Variants in AGBL4 observed in about 807,000 individuals in gnomAD.
The protein encoded by AGBL4 is cytosolic carboxypeptidase 6.
In AGBL4, 58 loss-of-function variants were observed where a neutral mutation model predicts 66.4. The ratio of observed to expected loss-of-function variants is 0.87; its 90% CI spans 0.71 to 1.09. AGBL4 has a LOEUF of 1.09. Among genes scored for constraint, AGBL4 ranks in the 50% least tolerant of loss-of-function variants. AGBL4 has a pLI of 0.00. For missense variants in AGBL4, 579 were observed against 631.0 expected (o/e 0.92, Z 0.88); for synonymous variants, 234 against 222.9 (o/e 1.05, Z -0.44).
At chr1:48,591,200 T>C (rs1644914885) in intron 9 of AGBL4, among the ~76,000 whole-genome samples, 1 of 150,078 alleles carries the variant, frequency 6.7e-6, no homozygotes, top group Admixed American at 6.7e-5. Flanking sequence ...CAATTCCTCC[T>C]CACTTTTAAC....
At chr1:48,914,047 T>G (rs879751345) in intron 5 of AGBL4, among the ~76,000 whole-genome samples, 1 of 152,098 alleles carries the variant, frequency 6.6e-6, no homozygotes, top group Non-Finnish European at 1.5e-5. Context: ...AAAAACAAAG[T>G]AGCAAAGCAC....
At chr1:49,457,800 C>T (rs771535515) in intron 3 of AGBL4, among the ~76,000 whole-genome samples, 1 of 151,734 alleles carries the variant, frequency 6.6e-6, no homozygotes, top group Admixed American at 6.6e-5. Flanking sequence ...ATCCCAGCAC[C>T]GTTTGTTGAA....
At chr1:49,971,783 G>C (rs1279119864) in intron 1 of AGBL4, among the ~76,000 whole-genome samples, 1 of 151,364 alleles carries the variant, frequency 6.6e-6, no homozygotes, top group African/African-American at 2.4e-5. Context: ...CCTATATGAA[G>C]ACTTCACTAA....
At chr1:48,940,647 C>T in intron 5 of AGBL4, among the ~76,000 whole-genome samples, 1 of 152,154 alleles carries the variant, frequency 6.6e-6, no homozygotes, top group Middle Eastern at 3.2e-3. Flanking sequence ...GGTTTGGTGG[C>T]ACCAGACCTG....
chr1:49,720,376 C>T lies in AGBL4; in HGVS notation c.158-22939G>A, dbSNP rs182080434. Among the ~76,000 whole-genome samples the T allele has an allele frequency of 5.3e-3, 804 of 152,190 alleles. 8 individuals carry two copies. Among genetic ancestry groups the T allele is most frequent in the Non-Finnish European group, 6.6e-3 (450 of 67,990 alleles). ...AATCTGAAACACTTCAGGTCTCAAA[C>T]ATTTGAGATAAAATATATTCAATCT... On this transcript the variant is annotated intron_variant, in intron 2 of 13. Coordinates refer to ENST00000371839, the MANE Select transcript of AGBL4 (RefSeq NM_032785.4).
At chr1:49,182,078 A>C (rs767647780) in intron 4 of AGBL4, among the ~76,000 whole-genome samples, 86 of 152,180 alleles carry the variant, frequency 5.7e-4, no homozygotes, top group Non-Finnish European at 1.1e-3. Flanking sequence ...GAATAGAAGA[A>C]TTGGACAAAA....
chr1:49,925,432 C>T (rs893754139), intron 1 of AGBL4, among the ~76,000 whole-genome samples: 2 of 152,170 alleles, frequency 1.3e-5, no homozygotes, highest in African/African-American at 4.8e-5. Flanking sequence ...TAGTATGAGA[C>T]ATGCTGGCTT....
chr1:49,731,570 A>T (rs1214453860), intron 2 of AGBL4, among the ~76,000 whole-genome samples: 1 of 152,206 alleles, frequency 6.6e-6, no homozygotes, highest in African/African-American at 2.4e-5. Flanking sequence ...AGAGTCATGA[A>T]ACATATCAAT....
intron 6 of AGBL4, among the ~76,000 whole-genome samples, chr1:48,670,126 G>A (rs383560): frequency 0.55 from 82,890 of 151,728 alleles, 22,957 homozygotes; most frequent in Middle Eastern, 0.66. Flanking sequence ...CTGGGGACAG[G>A]AGCCTTTCTG....
intron 4 of AGBL4, among the ~76,000 whole-genome samples, chr1:49,085,417 T>A (rs1259200057): frequency 6.6e-6 from 1 of 152,000 alleles, no homozygotes; most frequent in Non-Finnish European, 1.5e-5. Context: ...CCAACTTTCT[T>A]GGTTCTCTAG....
intron 9 of AGBL4, among the ~76,000 whole-genome samples, chr1:48,614,251 A>G (rs1557829316): frequency 6.6e-6 from 1 of 152,014 alleles, no homozygotes; most frequent in Non-Finnish European, 1.5e-5. Context: ...GATGCTAAGG[A>G]AAAAAAAGGT....
At chr1:49,638,633 T>C (rs1645723443) in intron 3 of AGBL4, among the ~76,000 whole-genome samples, 1 of 152,164 alleles carries the variant, frequency 6.6e-6, no homozygotes, top group Non-Finnish European at 1.5e-5. Flanking sequence ...GAATAAGTCT[T>C]ACAAGATCTG....
At chr1:49,077,123 A>G (rs1296153144) in intron 4 of AGBL4, among the ~76,000 whole-genome samples, 1 of 151,884 alleles carries the variant, frequency 6.6e-6, no homozygotes, top group Admixed American at 6.6e-5. Context: ...TCTCCCTCTC[A>G]TAGATGGAAA....
intron 2 of AGBL4, among the ~76,000 whole-genome samples, chr1:49,768,421 A>T: frequency 6.6e-6 from 1 of 152,232 alleles, no homozygotes; most frequent in East Asian, 1.9e-4. Context: ...TTAAAAACAA[A>T]AATCATGTGA....
intron 1 of AGBL4, among the ~76,000 whole-genome samples, chr1:49,914,161 C>T (rs563629985): frequency 6.6e-6 from 1 of 152,350 alleles, no homozygotes; most frequent in African/African-American, 2.4e-5. Flanking sequence ...TTTTCCAAAT[C>T]TTTCCAATCT....
chr1:49,376,646 T>C (rs986988899), intron 3 of AGBL4, among the ~76,000 whole-genome samples: 5 of 152,072 alleles, frequency 3.3e-5, no homozygotes, highest in African/African-American at 1.2e-4. Context: ...AGTTACTTTT[T>C]TGGTATGATA....
chr1:49,858,631 G>A (rs1646490784), intron 1 of AGBL4, among the ~76,000 whole-genome samples: 1 of 151,946 alleles, frequency 6.6e-6, no homozygotes, highest in African/African-American at 2.4e-5. Context: ...CTAAAACTAG[G>A]ACTAAAGACC....
chr1:49,235,738 C>G (rs910190314), intron 4 of AGBL4, among the ~76,000 whole-genome samples: 2 of 152,140 alleles, frequency 1.3e-5, no homozygotes, highest in African/African-American at 4.8e-5. Flanking sequence ...CTACATCTTC[C>G]CTGGGTTTCT....
At chr1:49,927,071 G>A (rs939970755) in intron 1 of AGBL4, among the ~76,000 whole-genome samples, 5 of 152,036 alleles carry the variant, frequency 3.3e-5, no homozygotes, top group African/African-American at 7.2e-5. Flanking sequence ...GTCTTTTCAC[G>A]TTTTTTCTGC....
Sources: allele counts gnomAD v4.1 joint callset (sites outside exome capture counted in the v4.1 genomes callset), GRCh38; gene constraint gnomAD v4.1.1; transcripts MANE v1.5; gene names NCBI Gene and HGNC (gene_info 2026-07-23, HGNC 2026-07-21).